Variants in TBXAS1 observed in about 807,000 individuals in gnomAD.
The protein encoded by TBXAS1 is thromboxane A synthase 1.
In TBXAS1, 48 loss-of-function variants were observed where a neutral mutation model predicts 60.7. The observed-to-expected ratio is 0.79, with a 90% CI of 0.63 to 1.01. TBXAS1 has a LOEUF of 1.01. Ranked by LOEUF, TBXAS1 falls within the 50% of genes least tolerant of loss-of-function variation. TBXAS1 has a pLI of 0.00. For synonymous variants in TBXAS1, 287 were observed against 269.7 expected (o/e 1.06, Z -0.63); for missense variants, 685 against 686.3 (o/e 1.00, Z 0.02).
intron 9 of TBXAS1, among the ~76,000 whole-genome samples, chr7:139,997,383 C>A (rs745507715): frequency 3.3e-5 from 5 of 152,118 alleles, no homozygotes; most frequent in Non-Finnish European, 7.3e-5. Flanking sequence ...ATGTTCCATA[C>A]TAATGGAAAA....
intron 3 of TBXAS1, among the ~76,000 whole-genome samples, chr7:139,904,133 G>A (rs184975740): frequency 1.3e-5 from 2 of 151,988 alleles, no homozygotes; most frequent in Admixed American, 1.3e-4. Context: ...TTTTGTATGA[G>A]AGATGAAGAT....
intron 1 of TBXAS1, among the ~76,000 whole-genome samples, chr7:139,849,410 AC>A (rs1454710591): frequency 2.0e-5 from 3 of 150,198 alleles, no homozygotes; most frequent in Non-Finnish European, 4.4e-5. Flanking sequence ...CAAAAAAAAA[AC>A]AACCCACCAA....
At chr7:139,790,025 G>A (rs1008095864) in intron 4 of TBXAS1, among the ~76,000 whole-genome samples, 3 of 152,152 alleles carry the variant, frequency 2.0e-5, no homozygotes, top group Non-Finnish European at 2.9e-5. Flanking sequence ...CTATGGAATC[G>A]GAGCAACATC....
chr7:139,966,660 C>T (rs143695982), intron 9 of TBXAS1, among the ~76,000 whole-genome samples: 26 of 152,334 alleles, frequency 1.7e-4, no homozygotes, highest in African/African-American at 5.5e-4. Context: ...TGATGAATCT[C>T]CTTTCCCTGT....
chr7:139,905,929 T>G (rs914175689), intron 3 of TBXAS1, among the ~76,000 whole-genome samples: 2 of 151,748 alleles, frequency 1.3e-5, no homozygotes, highest in African/African-American at 2.4e-5. Context: ...CAAGCTCTAA[T>G]TTTCAAAGAT....
chr7:139,959,131 A>G (rs1372954826), intron 8 of TBXAS1, among the ~76,000 whole-genome samples: 1 of 152,192 alleles, frequency 6.6e-6, no homozygotes, highest in East Asian at 1.9e-4. Flanking sequence ...TAAAGATCCA[A>G]TTACTGGGAT....
chr7:139,915,386 A>G (rs753832385), intron 4 of TBXAS1, among the ~76,000 whole-genome samples: 2 of 152,226 alleles, frequency 1.3e-5, no homozygotes, highest in Non-Finnish European at 2.9e-5. Flanking sequence ...CAGCTTTATT[A>G]TACATTCACT....
intron 1 of TBXAS1, among the ~76,000 whole-genome samples, chr7:139,831,643 T>C (rs1392643252): frequency 6.6e-6 from 1 of 152,094 alleles, no homozygotes; most frequent in Non-Finnish European, 1.5e-5. Context: ...GAAGGTGAAA[T>C]CAAATGGGCT....
intron 4 of TBXAS1, among the ~76,000 whole-genome samples, chr7:139,920,498 T>TA (rs1569513804): frequency 6.6e-6 from 1 of 152,156 alleles, no homozygotes; most frequent in African/African-American, 2.4e-5. Flanking sequence ...GGATCCATGT[T>TA]AAAAAAGGAA....
At chr7:139,947,912 T>C (rs899597120) in intron 5 of TBXAS1, among the ~76,000 whole-genome samples, 3 of 151,822 alleles carry the variant, frequency 2.0e-5, no homozygotes, top group Admixed American at 1.3e-4. Flanking sequence ...TCACCCAGGC[T>C]GGAGTGCAGT....
chr7:139,784,076 G>T (rs1329754680), intron 3 of TBXAS1, among the ~76,000 whole-genome samples: 7 of 142,320 alleles, frequency 4.9e-5, no homozygotes, highest in African/African-American at 1.8e-4. Context: ...TGCTTGTTTA[G>T]GTTTTTGTTT....
At chr7:139,877,088 C>T (rs1039787265) in intron 3 of TBXAS1, among the ~76,000 whole-genome samples, 2 of 152,218 alleles carry the variant, frequency 1.3e-5, no homozygotes, top group Non-Finnish European at 2.9e-5. Context: ...AGTCACACGG[C>T]TAAACCCAAG....
intron 4 of TBXAS1, among the ~76,000 whole-genome samples, chr7:139,818,004 A>G (rs1189583328): frequency 6.6e-6 from 1 of 152,222 alleles, no homozygotes; most frequent in South Asian, 2.1e-4. Context: ...TTTCGTGATC[A>G]CCTACTGAGT....
intron 4 of TBXAS1, among the ~76,000 whole-genome samples, chr7:139,787,621 G>A (rs1290792611): frequency 2.0e-5 from 3 of 152,108 alleles, no homozygotes; most frequent in Non-Finnish European, 4.4e-5. Flanking sequence ...CCAGGGCAAC[G>A]ACTGGGATGG....
intron 9 of TBXAS1, among the ~76,000 whole-genome samples, chr7:139,986,383 T>C (rs181981059): frequency 6.6e-6 from 1 of 152,124 alleles, no homozygotes; most frequent in Non-Finnish European, 1.5e-5. Context: ...AATATTTCCA[T>C]AGATTATTGG....
intron 12 of TBXAS1, 126 bp downstream of exon 12, chr7:140,017,959 CCTTA>C: frequency 7.8e-7 from 1 of 1,288,338 alleles, no homozygotes; most frequent in Non-Finnish European, 1.1e-6. Flanking sequence ...TGGGCAAGCT[CCTTA>C]ACCTCTCTCG....
At chr7:139,796,970 A>C (rs1221975927) in intron 4 of TBXAS1, among the ~76,000 whole-genome samples, 1 of 152,240 alleles carries the variant, frequency 6.6e-6, no homozygotes. Context: ...TGACATGTCG[A>C]CACAATGTCC....
At position 139,829,445 on chromosome 7, in the gene TBXAS1, G is replaced by C; in HGVS notation, c.55G>C (p.Ala19Pro). 6.2e-7 allele frequency: 1 copy of C among 1,614,036 alleles called. No individual in the cohort carries two copies. Among genetic ancestry groups the C allele is most frequent in the South Asian group, 1.1e-5 (1 of 90,992 alleles). ...LEVNGPMVTVALSVALLALLK... is the reference protein window; with the variant it reads ...LEVNGPMVTVPLSVALLALLK... ...AGTGAATGGCCCCATGGTGACGGTG[G>C]CCCTGTCAGTGGCTCTCTTGGCCCT... Residue 19 changes from alanine to proline, a missense_variant, in exon 1 of 13, where the codon GCC (alanine) becomes CCC (proline). Coordinates refer to ENST00000448866, the MANE Select transcript of TBXAS1 (RefSeq NM_001061.7).
chr7:139,912,205 G>A (rs1250707359), intron 4 of TBXAS1, among the ~76,000 whole-genome samples: 1 of 151,824 alleles, frequency 6.6e-6, no homozygotes, highest in South Asian at 2.1e-4. Context: ...CTGAGATCGC[G>A]CCACTGCACT....
Sources: allele counts gnomAD v4.1 joint callset (sites outside exome capture counted in the v4.1 genomes callset), GRCh38; gene constraint gnomAD v4.1.1; transcripts MANE v1.5; gene names NCBI Gene and HGNC (gene_info 2026-07-23, HGNC 2026-07-21).